The following AFAP1L2 variants were observed in gnomAD, a reference collection of about 807,000 sequenced individuals.
The protein encoded by AFAP1L2 is actin filament-associated protein 1-like 2.
AFAP1L2 carries 46 observed loss-of-function variants against 99.3 expected under a neutral mutation model. The observed-to-expected ratio is 0.46, with a 90% confidence interval of 0.37 to 0.59. AFAP1L2 has a LOEUF of 0.59. AFAP1L2 is among the 20% of genes least tolerant of loss of function. The pLI, the probability that AFAP1L2 is intolerant of heterozygous loss-of-function variation, is 0.00. For synonymous variants in AFAP1L2, 397 were observed against 419.1 expected (o/e 0.95, Z 0.64); for missense variants, 959 against 1,034.9 (o/e 0.93, Z 1.01).
intron 5 of AFAP1L2, among the ~76,000 whole-genome samples, chr10:114,321,440 C>T (rs1371976834): frequency 1.3e-5 from 2 of 152,208 alleles, no homozygotes; most frequent in African/African-American, 4.8e-5. Context: ...TTATTTTATA[C>T]CTTTTTCTGG....
At chr10:114,325,654 T>C (rs2046155018) in intron 4 of AFAP1L2, among the ~76,000 whole-genome samples, 1 of 152,250 alleles carries the variant, frequency 6.6e-6, no homozygotes, top group East Asian at 1.9e-4. Flanking sequence ...CCCAGGCTCC[T>C]GCCTGGCAGC....
At chr10:114,344,163 G>A (rs1590351870) in intron 1 of AFAP1L2, among the ~76,000 whole-genome samples, 1 of 152,152 alleles carries the variant, frequency 6.6e-6, no homozygotes, top group African/African-American at 2.4e-5. Flanking sequence ...TTAAAAGAAA[G>A]AATAAAGCAT....
chr10:114,287,722 GA>G, the AFAP1L2 span, among the ~76,000 whole-genome samples: 1 of 152,084 alleles, frequency 6.6e-6, no homozygotes, highest in East Asian at 1.9e-4. Flanking sequence ...AGATTTATAG[GA>G]AAAAATAATT....
chr10:114,391,216 CTTTTCTTT>C lies in AFAP1L2; in HGVS notation c.16+13216_16+13223del, dbSNP rs540297932. ...TTTCTCATTCAGTTCCTGTTTCTTT[CTTTTCTTT>C]TTTTCTTTTTTTTTAGACAGAGTCT... On this transcript the variant is annotated intron_variant, in intron 1 of 18. Transcript: ENST00000304129. Among the ~76,000 whole-genome samples, 279 of 151,854 alleles carry C rather than the reference CTTTTCTTT, an allele frequency of 1.8e-3. 3 individuals are homozygous for C. The highest frequency in any genetic ancestry group is 6.4e-3 in the African/African-American group (263 of 41,414).
chr10:114,343,925 G>A (rs376940357), intron 1 of AFAP1L2, among the ~76,000 whole-genome samples: 2 of 152,100 alleles, frequency 1.3e-5, no homozygotes, highest in Non-Finnish European at 2.9e-5. Flanking sequence ...TGACTGAGCC[G>A]AACCAGAGAA....
Position 114,308,484 on chromosome 10 carries a change from C to A in AFAP1L2, c.916G>T (p.Glu306Ter). ...TGGCCATCCACGGAGCTCCCATACT[C>A]TGAAGCCGACAGGTACTTCTCAGCT... ...DIAEKYLSAS[E>*]YGSSVDGHPE... Residue 306 changes from glutamate to a stop codon, truncating the protein, a stop_gained, in exon 9 of 19, where the codon GAG becomes TAG. Coordinates refer to ENST00000304129, the MANE Select transcript of AFAP1L2 (RefSeq NM_001001936.3). LOFTEE classifies it high-confidence loss of function. 6.2e-7 allele frequency: 1 copy of A among 1,614,208 alleles called. No homozygotes were observed. Among genetic ancestry groups the A allele is most frequent in the Non-Finnish European group, 8.5e-7 (1 of 1,180,034 alleles).
chr10:114,304,101 G>T (rs1439993716), intron 11 of AFAP1L2, among the ~76,000 whole-genome samples: 1 of 152,198 alleles, frequency 6.6e-6, no homozygotes, highest in Non-Finnish European at 1.5e-5. Flanking sequence ...CAATTGCGAT[G>T]TGGGTCTTTC....
intron 1 of AFAP1L2, chr10:114,362,798 C>G (rs184290147): frequency 1.9e-4 from 83 of 429,384 alleles, no homozygotes; most frequent in African/African-American, 1.7e-3. Flanking sequence ...AAAGATTAAC[C>G]TCATTAGAAA....
rs75975266 is a variant in AFAP1L2, at chr10:114,360,472, G to A, written c.17-19741C>T. 9.8e-4 allele frequency among the ~76,000 whole-genome samples: 147 copies of A among 149,430 alleles called. 1 individual carries two copies. The East Asian group carries it at 0.025, about 25-fold the overall frequency. On this transcript the variant is annotated intron_variant, in intron 1 of 18. Coordinates refer to ENST00000304129, the MANE Select transcript of AFAP1L2 (RefSeq NM_001001936.3). ...CTCTTCCCAAATAGATAGATACCTCGATATCTCAATATCTAGATAGATAGA... is the reference window on the plus strand; with the variant it reads ...CTCTTCCCAAATAGATAGATACCTCAATATCTCAATATCTAGATAGATAGA...
chr10:114,295,726 A>G lies in AFAP1L2; in HGVS notation c.*316T>C. 1 of 1,094,932 alleles carries G rather than the reference A, an allele frequency of 9.1e-7. No homozygotes were observed. The highest frequency in any genetic ancestry group is 3.4e-5 in the South Asian group (1 of 29,730). The allele number at this position is 1,094,932 out of a possible 1,614,324, so 67.8% of individuals were successfully genotyped here. A position where few individuals can be genotyped will look rare whatever the true frequency, so the allele number is the denominator to read the frequency against. On this transcript the variant is annotated 3_prime_UTR_variant, in exon 19 of 19. Coordinates refer to ENST00000304129, the MANE Select transcript of AFAP1L2 (RefSeq NM_001001936.3). ...ACCAAAGTCTAAACAGGAGGTTTTC[A>G]CTATTTAAAAATCTTAGTAAAGCAA... is the stretch of plus-strand genomic sequence containing the variant.
At position 114,302,491 on chromosome 10, in the gene AFAP1L2, C is replaced by T. The variant is rs201251455; in HGVS notation, c.1285-7G>A. 193 of 1,613,876 alleles carry T rather than the reference C, an allele frequency of 1.2e-4. No homozygotes were observed. The highest frequency in any genetic ancestry group is 1.3e-4 in the Non-Finnish European group (157 of 1,180,006). ...TTTCCTCGGAAGACTTGGCCTGGAA[C>T]GAGGCCAAGAGAGACATAAGCAGGG... is the stretch of plus-strand genomic sequence containing the variant. On this transcript the variant is annotated splice_polypyrimidine_tract_variant and splice_region_variant and intron_variant, in intron 11 of 18. Coordinates refer to ENST00000304129, the MANE Select transcript of AFAP1L2 (RefSeq NM_001001936.3).
intron 1 of AFAP1L2, among the ~76,000 whole-genome samples, chr10:114,362,613 G>A (rs771708241): frequency 6.6e-6 from 1 of 152,110 alleles, no homozygotes; most frequent in Non-Finnish European, 1.5e-5. Context: ...TCTGCCCTCC[G>A]GAACCATAAG....
At chr10:114,305,705 CT>C (rs2042183359) in intron 10 of AFAP1L2, among the ~76,000 whole-genome samples, 1 of 84,260 alleles carries the variant, frequency 1.2e-5, no homozygotes, top group Admixed American at 1.3e-4. Flanking sequence ...GGGAGCGGGG[CT>C]GGAGGGGACG....
At chr10:114,370,866 G>A (rs1472501413) in intron 1 of AFAP1L2, among the ~76,000 whole-genome samples, 1 of 152,118 alleles carries the variant, frequency 6.6e-6, no homozygotes, top group Non-Finnish European at 1.5e-5. Flanking sequence ...CTCTCCATCT[G>A]GAATTCCTTA....
rs145314707 is a variant in AFAP1L2, at chr10:114,357,231, G to A, written c.17-16500C>T. 9.4e-3 allele frequency among the ~76,000 whole-genome samples: 1,426 copies of A among 152,210 alleles called. 30 individuals are homozygous for A. Among genetic ancestry groups the A allele is most frequent in the African/African-American group, 0.032 (1,346 of 41,526 alleles). ...CCTTTCTGGCCAGTCTCAAAAGGAC[G>A]CCTCGGATCCTCACCTCCCTGCCCT... On this transcript the variant is annotated intron_variant, in intron 1 of 18. Transcript: ENST00000304129.
intron 1 of AFAP1L2, among the ~76,000 whole-genome samples, chr10:114,353,737 T>C (rs2136283252): frequency 6.6e-6 from 1 of 152,166 alleles, no homozygotes; most frequent in African/African-American, 2.4e-5. Context: ...AAGATCCAGA[T>C]AAAAGCAACT....
At chr10:114,286,256 A>C in the AFAP1L2 span, 1 of 1,610,660 alleles carries the variant, frequency 6.2e-7, no homozygotes, top group South Asian at 1.1e-5. Flanking sequence ...GAGCGCCACC[A>C]GGACAGGCCA....
intron 1 of AFAP1L2, among the ~76,000 whole-genome samples, chr10:114,345,756 C>T (rs2049458136): frequency 6.6e-6 from 1 of 152,220 alleles, no homozygotes; most frequent in Non-Finnish European, 1.5e-5. Flanking sequence ...GGCCCCTGCC[C>T]ATCAGTCCTT....
chr10:114,316,548 G>A (rs952168101), intron 5 of AFAP1L2, among the ~76,000 whole-genome samples: 3 of 152,040 alleles, frequency 2.0e-5, no homozygotes, highest in African/African-American at 7.2e-5. Flanking sequence ...TTCCTCTTTT[G>A]TTTTGAAAGA....
Sources: allele counts gnomAD v4.1 joint callset (sites outside exome capture counted in the v4.1 genomes callset), GRCh38; gene constraint gnomAD v4.1.1; transcripts MANE v1.5; gene names NCBI Gene and HGNC (gene_info 2026-07-23, HGNC 2026-07-21).